The following RALGPS1 variants were observed in gnomAD, a reference collection of about 807,000 sequenced individuals.
RALGPS1 encodes the protein ras-specific guanine nucleotide-releasing factor RalGPS1.
In RALGPS1, 19 loss-of-function variants were observed where a neutral mutation model predicts 78.8. The ratio of observed to expected loss-of-function variants is 0.24; its 90% CI spans 0.17 to 0.35. RALGPS1 has a LOEUF of 0.35. Among genes scored for constraint, RALGPS1 ranks in the 10% least tolerant of loss-of-function variants. The pLI, the probability that RALGPS1 is intolerant of heterozygous loss-of-function variation, is 1.00. For synonymous variants in RALGPS1, 228 were observed against 256.3 expected, an observed-to-expected ratio of 0.89 and a Z score of 1.06; for missense variants, 454 against 688.3, an observed-to-expected ratio of 0.66 and a Z score of 3.81.
chr9:127,057,241 G>T (rs182780056), intron 7 of RALGPS1, among the ~76,000 whole-genome samples: 81 of 152,284 alleles, frequency 5.3e-4, no homozygotes, highest in Admixed American at 1.0e-3. Flanking sequence ...CTTGGGAAAT[G>T]GGGCTAGAGA....
chr9:127,210,832 T>C lies in RALGPS1; in HGVS notation c.1248-1299T>C, dbSNP rs1349282583. The C allele has an allele frequency of 5.6e-6, 8 of 1,428,548 alleles. No homozygotes were observed. The East Asian group carries it at 1.5e-4, about 27-fold the overall frequency. 88.5% of individuals were successfully genotyped at this position (1,428,548 alleles called of 1,614,324 possible). On this transcript the variant is annotated intron_variant, in intron 14 of 18. Transcript: ENST00000259351. ...TTGACACATAGCTTGTTATGTGGCCTTTTGGATGCCAAGCACTGTGCTAGA... is the reference window on the plus strand; with the variant it reads ...TTGACACATAGCTTGTTATGTGGCCCTTTGGATGCCAAGCACTGTGCTAGA...
chr9:127,186,251 C>T (rs1379654183), intron 11 of RALGPS1, among the ~76,000 whole-genome samples: 1 of 152,130 alleles, frequency 6.6e-6, no homozygotes, highest in Non-Finnish European at 1.5e-5. Flanking sequence ...AAAGAAACAG[C>T]CACTTAAAGA....
chr9:127,025,505 G>C (rs938101275), intron 4 of RALGPS1, among the ~76,000 whole-genome samples: 1 of 152,124 alleles, frequency 6.6e-6, no homozygotes, highest in Non-Finnish European at 1.5e-5. Context: ...TTCCTAAATG[G>C]CTGTTCTGAT....
At position 127,212,171 on chromosome 9, in the gene RALGPS1, G is replaced by A. The variant is rs2062303903; in HGVS notation, c.1288G>A (p.Ala430Thr). The A allele has an allele frequency of 6.2e-7, 1 of 1,613,786 alleles. No homozygotes were observed. Reference protein sequence around the residue: ...PCICSLGNSAAVPTMEGPLRR... With the variant: ...PCICSLGNSATVPTMEGPLRR... The stretch of plus-strand genomic sequence containing the variant: ...CATCTGTTCTCTGGGGAACTCCGCA[G>A]CTGTGCCCACCATGGAGGGGCCTCT... The change falls in exon 15 of 19, where the codon GCT becomes ACT. Residue 430 changes from alanine (A) to threonine (T), a missense_variant. By Grantham distance (58) the Ala-to-Thr change is moderately conservative. Coordinates refer to ENST00000259351, the MANE Select transcript of RALGPS1 (RefSeq NM_014636.3). The surrounding 1 kb of genome is among the most constrained non-coding windows in gnomAD (Gnocchi z 6.0).
At chr9:127,006,013 C>T (rs2043807937) in intron 4 of RALGPS1, among the ~76,000 whole-genome samples, 1 of 152,176 alleles carries the variant, frequency 6.6e-6, no homozygotes, top group African/African-American at 2.4e-5. Flanking sequence ...TCCAACATCT[C>T]TTCATGCTAA....
chr9:127,162,673 CTGCACGTTTTGTAGA>C (rs1278242248), intron 8 of RALGPS1, among the ~76,000 whole-genome samples: 2 of 152,122 alleles, frequency 1.3e-5, no homozygotes, highest in Non-Finnish European at 2.9e-5. Flanking sequence ...GTGTGGGCAT[CTGCACGTTTTGTAGA>C]GGGGAATTAT....
intron 10 of RALGPS1, among the ~76,000 whole-genome samples, chr9:127,172,054 T>C (rs1187242159): frequency 6.6e-6 from 1 of 152,240 alleles, no homozygotes; most frequent in African/African-American, 2.4e-5. Context: ...TGTTTCTCCA[T>C]AGTTTTTCCA....
At chr9:127,058,600 A>G (rs2048942878) in intron 7 of RALGPS1, among the ~76,000 whole-genome samples, 1 of 152,164 alleles carries the variant, frequency 6.6e-6, no homozygotes, top group Admixed American at 6.5e-5. Flanking sequence ...GGTGAGTCCT[A>G]GGTTTTGGGC....
chr9:127,201,268 C>T (rs2061616696), intron 14 of RALGPS1, among the ~76,000 whole-genome samples: 1 of 152,234 alleles, frequency 6.6e-6, no homozygotes, highest in South Asian at 2.1e-4. Context: ...CTCCAGCAGT[C>T]TTGAAACATC....
rs1365219187 is a variant in RALGPS1, at chr9:127,212,407, C to G, written c.1353+171C>G. Among the ~76,000 whole-genome samples, 1 of 152,152 alleles carries G rather than the reference C, an allele frequency of 6.6e-6. No homozygotes were observed. The highest frequency in any genetic ancestry group is 2.4e-5 in the African/African-American group (1 of 41,420). ...ATACCTGACACTGCCGTAAAATGAA[C>G]AAAGGGAAGGCTCCTTGAGTAAAGG... On this transcript the variant is annotated intron_variant, in intron 15 of 18. Coordinates refer to ENST00000259351, the MANE Select transcript of RALGPS1 (RefSeq NM_014636.3). The surrounding 1 kb of genome is among the most constrained non-coding windows in gnomAD (Gnocchi z 6.0).
intron 8 of RALGPS1, chr9:127,108,033 G>A: frequency 1.9e-6 from 3 of 1,609,738 alleles, no homozygotes; most frequent in Admixed American, 1.7e-5. Context: ...TCTGGTTGAT[G>A]ATGCGGTTGT....
chr9:126,936,455 GAC>G (rs2036267380), intron 1 of RALGPS1, among the ~76,000 whole-genome samples: 1 of 152,158 alleles, frequency 6.6e-6, no homozygotes, highest in Admixed American at 6.5e-5. Flanking sequence ...AATATTTCGT[GAC>G]AGAGTAATAA....
intron 8 of RALGPS1, among the ~76,000 whole-genome samples, chr9:127,126,019 G>A (rs1264205263): frequency 6.6e-6 from 1 of 152,054 alleles, no homozygotes; most frequent in Non-Finnish European, 1.5e-5. Flanking sequence ...GGGGATGCAG[G>A]TATACTGTGT....
intron 7 of RALGPS1, among the ~76,000 whole-genome samples, chr9:127,066,952 T>C (rs1335605224): frequency 2.6e-5 from 4 of 152,146 alleles, no homozygotes; most frequent in Non-Finnish European, 5.9e-5. Context: ...GTCTCCCAAG[T>C]AGCTCATTTA....
chr9:126,942,995 A>T (rs1371389524), intron 1 of RALGPS1, among the ~76,000 whole-genome samples: 1 of 151,922 alleles, frequency 6.6e-6, no homozygotes, highest in Admixed American at 6.6e-5. Flanking sequence ...TGTACAGAGG[A>T]AATTGTTGAT....
At chr9:126,990,955 A>G (rs981003405) in intron 4 of RALGPS1, among the ~76,000 whole-genome samples, 5 of 152,152 alleles carry the variant, frequency 3.3e-5, no homozygotes, top group African/African-American at 1.2e-4. Context: ...CTTCTATGCT[A>G]TCTGCCTCTC....
intron 8 of RALGPS1, among the ~76,000 whole-genome samples, chr9:127,140,850 A>T (rs535268668): frequency 5.9e-5 from 9 of 152,324 alleles, no homozygotes; most frequent in Admixed American, 5.9e-4. Context: ...GAGGTGATGG[A>T]CAGCCTGGCT....
At chr9:126,946,758 CCTTTTACCCTCATTTCTTGATG>C (rs2037313114) in intron 1 of RALGPS1, among the ~76,000 whole-genome samples, 1 of 151,978 alleles carries the variant, frequency 6.6e-6, no homozygotes, top group Non-Finnish European at 1.5e-5. Flanking sequence ...CTTCACTCTC[CCTTTTACCCTCATTTCTTGATG>C]TTCCCTTTAA....
chr9:126,998,064 A>C (rs2042940338), intron 4 of RALGPS1, among the ~76,000 whole-genome samples: 1 of 152,154 alleles, frequency 6.6e-6, no homozygotes, highest in Admixed American at 6.6e-5. Context: ...AACCATAAAA[A>C]CCCTAGAAGA....
Sources: allele counts gnomAD v4.1 joint callset (sites outside exome capture counted in the v4.1 genomes callset), GRCh38; gene constraint gnomAD v4.1.1; non-coding constraint Gnocchi (gnomAD v3.1); transcripts MANE v1.5; gene names NCBI Gene and HGNC (gene_info 2026-07-23, HGNC 2026-07-21).